COMMD10: variants seen among roughly 807,000 people sequenced by gnomAD.
The protein encoded by COMMD10 is COMM domain containing 10.
Under a neutral mutation model 28.9 loss-of-function variants are expected in COMMD10, and 33 were observed. The observed-to-expected ratio is 1.14, with a 90% confidence interval of 0.87 to 1.53. The LOEUF (loss-of-function observed/expected upper bound fraction) is 1.53, where lower values mean the gene tolerates loss of function less well. Ranked by LOEUF, COMMD10 falls within the 40% of genes most tolerant of loss-of-function variation. The pLI is 0.00. For missense variants in COMMD10, 310 were observed against 233.4 expected (o/e 1.33, Z -2.14); for synonymous variants, 110 against 81.7 (o/e 1.35, Z -1.87).
chr5:116,097,497 C>T (rs994899371), intron 4 of COMMD10, among the ~76,000 whole-genome samples: 1 of 152,136 alleles, frequency 6.6e-6, no homozygotes, highest in African/African-American at 2.4e-5. Flanking sequence ...TAGTCACATT[C>T]CTAAGCTATT....
At chr5:116,195,593 ATAAC>A (rs1357197338) in intron 5 of COMMD10, among the ~76,000 whole-genome samples, 3 of 152,192 alleles carry the variant, frequency 2.0e-5, no homozygotes, top group South Asian at 2.1e-4. Flanking sequence ...ACGTAGGAAT[ATAAC>A]TAACTGAGGA....
intron 4 of COMMD10, among the ~76,000 whole-genome samples, chr5:116,127,536 T>A (rs1296558460): frequency 2.6e-5 from 4 of 152,130 alleles, no homozygotes; most frequent in Non-Finnish European, 5.9e-5. Flanking sequence ...CAAATTTCCG[T>A]CAATGATAGA....
At chr5:116,292,136 C>T (rs1751380467) in intron 6 of COMMD10, among the ~76,000 whole-genome samples, 1 of 151,504 alleles carries the variant, frequency 6.6e-6, no homozygotes, top group African/African-American at 2.4e-5. Flanking sequence ...TCCAATAAAA[C>T]CCCATGTCTC....
At chr5:116,128,112 G>T (rs1414472436) in intron 4 of COMMD10, among the ~76,000 whole-genome samples, 1 of 151,934 alleles carries the variant, frequency 6.6e-6, no homozygotes, top group African/African-American at 2.4e-5. Context: ...TAAAAATTTA[G>T]CTGGTAAATT....
At chr5:116,179,184 A>G (rs1457412820) in intron 5 of COMMD10, among the ~76,000 whole-genome samples, 2 of 152,164 alleles carry the variant, frequency 1.3e-5, no homozygotes, top group Non-Finnish European at 2.9e-5. Flanking sequence ...TTTATAACCT[A>G]ATAAATAAGA....
At chr5:116,224,435 C>T (rs2112647627) in intron 5 of COMMD10, among the ~76,000 whole-genome samples, 1 of 152,276 alleles carries the variant, frequency 6.6e-6, no homozygotes, top group Admixed American at 6.5e-5. Flanking sequence ...GCTCATGTTT[C>T]TGCAGACTGT....
chr5:116,267,146 G>T (rs1052894132), intron 5 of COMMD10, among the ~76,000 whole-genome samples: 7 of 151,860 alleles, frequency 4.6e-5, no homozygotes. Context: ...AGGAAAAGAG[G>T]AAGTCAAATG....
chr5:116,218,723 T>A (rs181047747), intron 5 of COMMD10, among the ~76,000 whole-genome samples: 1 of 152,200 alleles, frequency 6.6e-6, no homozygotes, highest in Non-Finnish European at 1.5e-5. Context: ...GAAGAAAGAA[T>A]AAATACTATG....
At chr5:116,248,684 G>C (rs1336411510) in intron 5 of COMMD10, among the ~76,000 whole-genome samples, 95 of 151,880 alleles carry the variant, frequency 6.3e-4, no homozygotes, top group Non-Finnish European at 1.0e-4. Context: ...ACAAAGTTGA[G>C]TTACTGTGGC....
intron 2 of COMMD10, among the ~76,000 whole-genome samples, chr5:116,088,189 C>T (rs1750172934): frequency 6.6e-6 from 1 of 152,204 alleles, no homozygotes; most frequent in Admixed American, 6.5e-5. Flanking sequence ...ACTAACTGCT[C>T]TGTGCAGTGC....
chr5:116,103,586 A>G (rs1427460433), intron 4 of COMMD10, among the ~76,000 whole-genome samples: 1 of 152,158 alleles, frequency 6.6e-6, no homozygotes, highest in Admixed American at 6.5e-5. Context: ...ATAGATTGCA[A>G]AAATTTTCTC....
chr5:116,136,003 C>G (rs1752015272), intron 5 of COMMD10, among the ~76,000 whole-genome samples: 3 of 152,072 alleles, frequency 2.0e-5, no homozygotes, highest in Admixed American at 2.0e-4. Context: ...AGTCCAGTGC[C>G]CAGTATTACA....
chr5:116,218,570 A>G lies in COMMD10; in HGVS notation c.511-72947A>G, dbSNP rs568089368. ...TTTCTAAAGAAATTTATCCAACTTG[A>G]TAAAACCAAGAGTCCTTTACTTAGG... On this transcript the variant is annotated intron_variant, in intron 5 of 6. Transcript: ENST00000274458. Among the ~76,000 whole-genome samples, 7 of 152,328 alleles carry G rather than the reference A, an allele frequency of 4.6e-5. No individual in the cohort carries two copies. The East Asian group carries it at 1.2e-3, about 25-fold the overall frequency.
chr5:116,183,215 A>G (rs1030679228), intron 5 of COMMD10, among the ~76,000 whole-genome samples: 4 of 152,140 alleles, frequency 2.6e-5, no homozygotes, highest in Admixed American at 2.0e-4. Context: ...ATCTAACATT[A>G]TATTGAGTTA....
chr5:116,101,465 C>T (rs1750655902), intron 4 of COMMD10, among the ~76,000 whole-genome samples: 1 of 151,892 alleles, frequency 6.6e-6, no homozygotes, highest in Admixed American at 6.6e-5. Context: ...CTTGCTCTGT[C>T]ACCCAGGCTG....
intron 5 of COMMD10, among the ~76,000 whole-genome samples, chr5:116,181,186 C>T (rs1328080294): frequency 1.3e-5 from 2 of 151,946 alleles, no homozygotes; most frequent in African/African-American, 4.8e-5. Context: ...TATTGCTGTA[C>T]TTTCATTTTA....
intron 5 of COMMD10, among the ~76,000 whole-genome samples, chr5:116,217,844 C>T (rs1441481439): frequency 2.0e-5 from 3 of 152,050 alleles, no homozygotes; most frequent in Non-Finnish European, 2.9e-5. Context: ...TTCGAAGACA[C>T]CCTATTAGTG....
chr5:116,205,911 C>T (rs1265852226), intron 5 of COMMD10, among the ~76,000 whole-genome samples: 1 of 151,954 alleles, frequency 6.6e-6, no homozygotes, highest in Non-Finnish European at 1.5e-5. Context: ...TTCTTATTTC[C>T]CGAAAACACT....
intron 5 of COMMD10, among the ~76,000 whole-genome samples, chr5:116,231,133 C>T (rs1749517818): frequency 6.6e-6 from 1 of 152,062 alleles, no homozygotes; most frequent in Non-Finnish European, 1.5e-5. Flanking sequence ...CTCAGATGTT[C>T]TAAAATAAGG....
Sources: gnomAD v4.1 joint callset for allele counts (sites outside exome capture counted in the v4.1 genomes callset) on GRCh38, gnomAD v4.1.1 for gene constraint, MANE v1.5 for transcripts, NCBI Gene and HGNC (gene_info 2026-07-23, HGNC 2026-07-21) for gene names.